The following PIGS variants were observed in gnomAD, a reference collection of about 807,000 sequenced individuals.
The protein encoded by PIGS is GPI-anchor transamidase component PIGS.
Under a neutral mutation model 58.2 loss-of-function variants are expected in PIGS, and 37 were observed. The ratio of observed to expected loss-of-function variants is 0.64; its 90% CI spans 0.49 to 0.84. The LOEUF (loss-of-function observed/expected upper bound fraction) is 0.84, where lower values mean the gene tolerates loss of function less well. PIGS is among the 40% of genes least tolerant of loss of function. The pLI is 0.00. For missense variants in PIGS, 629 were observed against 710.8 expected, an observed-to-expected ratio of 0.88 and a Z score of 1.31; for synonymous variants, 269 against 289.2, an observed-to-expected ratio of 0.93 and a Z score of 0.71.
chr17:28,570,916 C>T lies in PIGS; in HGVS notation c.222G>A (p.Val74=), dbSNP rs752021664. ...GCAGCTTCTCCTGGTCGTCCAGGGG[C>T]ACTGACTCCCGCGTAAACACGACAG... is the stretch of plus-strand genomic sequence containing the variant. ...PVTVVFTRES[V]PLDDQEKLPF... is the part of the protein sequence containing the mutation. The change falls in exon 3 of 12, where the codon GTG becomes GTA. Residue 74 remains valine (V), a synonymous_variant. Coordinates refer to ENST00000308360, the MANE Select transcript of PIGS (RefSeq NM_033198.4). 2.5e-6 allele frequency: 4 copies of T among 1,614,114 alleles called. No individual in the cohort carries two copies. The highest frequency in any genetic ancestry group is 2.7e-5 in the African/African-American group (2 of 74,930).
At position 28,560,142 on chromosome 17, in the gene PIGS, A is replaced by C; in HGVS notation, c.726T>G (p.Asp242Glu). ...CAGCCCCCTCAATGTCCCAGTAGAC[A>C]TCATGGGACTTGGGGTCTGGGTTGA... is the stretch of plus-strand genomic sequence containing the variant. ...SLLNPDPKSH[D>E]VYWDIEGAVR... Residue 242 changes from aspartate to glutamate, a missense_variant, in exon 7 of 12, where the codon GAT becomes GAG. Physicochemically the swap from Asp to Glu is conservative, Grantham distance 45. Coordinates refer to ENST00000308360, the MANE Select transcript of PIGS (RefSeq NM_033198.4). 6.2e-7 allele frequency: 1 copy of C among 1,612,874 alleles called. No homozygotes were observed. The highest frequency in any genetic ancestry group is 8.5e-7 in the Non-Finnish European group (1 of 1,179,280).
chr17:28,570,916 C>A lies in PIGS; in HGVS notation c.222G>T (p.Val74=), dbSNP rs752021664. Residue 74 remains valine, a synonymous_variant, in exon 3 of 12, where the codon GTG becomes GTT. Coordinates refer to ENST00000308360, the MANE Select transcript of PIGS (RefSeq NM_033198.4). ...PVTVVFTRES[V]PLDDQEKLPF... ...GCAGCTTCTCCTGGTCGTCCAGGGGCACTGACTCCCGCGTAAACACGACAG... is the reference window on the plus strand; with the variant it reads ...GCAGCTTCTCCTGGTCGTCCAGGGGAACTGACTCCCGCGTAAACACGACAG... 6.2e-7 allele frequency: 1 copy of A among 1,614,232 alleles called. No individual in the cohort carries two copies. Among genetic ancestry groups the A allele is most frequent in the Non-Finnish European group, 8.5e-7 (1 of 1,180,042 alleles).
chr17:28,565,655 G>A (rs1040035282), intron 3 of PIGS, among the ~76,000 whole-genome samples: 10 of 152,134 alleles, frequency 6.6e-5, no homozygotes, highest in African/African-American at 9.7e-5. Flanking sequence ...TTTAGGGTCC[G>A]AGGTGGGAAG....
In PIGS at chr17:28,571,069, T is replaced by C. The variant is rs1225187980; in HGVS notation, c.154A>G (p.Ser52Gly). 2 of 1,614,140 alleles carry C rather than the reference T, an allele frequency of 1.2e-6. No individual in the cohort carries two copies. The highest frequency in any genetic ancestry group is 2.2e-5 in the South Asian group (2 of 91,082). ...YRASLPYSQI[S>G]GLNALQLRLM... ...CTCACCTGAAGGGCATTCAGGCCAC[T>C]GATCTGGGAGTAAGGCAACGAGGCC... is the stretch of plus-strand genomic sequence containing the variant. Residue 52 changes from serine to glycine, a missense_variant, in exon 2 of 12, where the codon AGT becomes GGT. Transcript: ENST00000308360.
Position 28,571,446 on chromosome 17 carries a change from C to T in PIGS, c.34+17G>A, listed in dbSNP as rs1468436195. 1.1e-5 allele frequency: 18 copies of T among 1,609,774 alleles called. No homozygotes were observed. The Admixed American group carries it at 1.2e-4, about 10-fold the overall frequency. ...CCATCAGCTAGCTGCAGGCCCCCCA[C>T]CCGAAGCCCACCGCACCTAGGTGTG... On this transcript the variant is annotated intron_variant, in intron 1 of 11. Transcript: ENST00000308360.
chr17:28,563,554 C>T, intron 4 of PIGS, 32 bp from the exon 5 acceptor site: 1 of 1,583,192 alleles, frequency 6.3e-7, no homozygotes, highest in Non-Finnish European at 8.7e-7. Context: ...ACACCAAGAG[C>T]AAAACACCAT....
intron 7 of PIGS, among the ~76,000 whole-genome samples, chr17:28,558,863 A>G (rs919536862): frequency 6.6e-6 from 1 of 152,240 alleles, no homozygotes; most frequent in African/African-American, 2.4e-5. Flanking sequence ...TTCAGTGTCT[A>G]CAAGATCAAA....
At position 28,556,826 on chromosome 17, in the gene PIGS, C is replaced by T. The variant is rs2070332267; in HGVS notation, c.1080+1G>A. 1.9e-6 allele frequency: 3 copies of T among 1,613,342 alleles called. No individual in the cohort carries two copies. The highest frequency in any genetic ancestry group is 1.3e-5 in the African/African-American group (1 of 74,902). ...TGGGGTCTGCGTAGTGTGACTATTA[C>T]CATAATGCCACCCCAGCGGGGACTA... is the stretch of plus-strand genomic sequence containing the variant. On this transcript the variant is annotated splice_donor_variant, in intron 9 of 11. Coordinates refer to ENST00000308360, the MANE Select transcript of PIGS (RefSeq NM_033198.4). LOFTEE classifies it high-confidence loss of function.
rs116255219 is a variant in PIGS at position 28,554,398 on chromosome 17, G to C, written c.1490C>G (p.Ser497Cys). Residue 497 changes from serine to cysteine, a missense_variant, in exon 12 of 12, where the codon TCC (serine) becomes TGC (cysteine). Ser to Cys is a moderately radical substitution (Grantham distance 112). Transcript: ENST00000308360. The part of the protein sequence containing the change: ...AFVASQEAVT[S>C]SELAFFDPSL... ...CGGGTCAAAGAAGGCAAGCTCAGAG[G>C]ATGTCACAGCTTCCTGGCTGGCGAC... The C allele has an allele frequency of 1.2e-6, 2 of 1,614,204 alleles. No homozygotes were observed. The highest frequency in any genetic ancestry group is 1.7e-6 in the Non-Finnish European group (2 of 1,180,034).
In PIGS at chr17:28,553,676, A is replaced by ACACACACACG. The variant is rs60290804; in HGVS notation, c.*543_*544insCGTGTGTGTG. 1.8e-5 allele frequency: 3 copies of ACACACACACG among 165,268 alleles called. No homozygotes were observed. The highest frequency in any genetic ancestry group is 7.4e-5 in the African/African-American group (3 of 40,462). The allele number at this position is 165,268 out of a possible 1,614,324, so 10.2% of individuals were successfully genotyped here. ...CACACACACACACACACACACACACAGCACCATGTCCTGAGCTGCTGCCTC... is the reference window on the plus strand; with the variant it reads ...CACACACACACACACACACACACACACACACACACGGCACCATGTCCTGAGCTGCTGCCTC... On this transcript the variant is annotated 3_prime_UTR_variant, in exon 12 of 12. Coordinates refer to ENST00000308360, the MANE Select transcript of PIGS (RefSeq NM_033198.4).
At chr17:28,569,999 T>C (rs2070417556) in intron 3 of PIGS, among the ~76,000 whole-genome samples, 1 of 152,208 alleles carries the variant, frequency 6.6e-6, no homozygotes, top group African/African-American at 2.4e-5. Flanking sequence ...AAAATCCGAC[T>C]TAAGAATTAC....
intron 5 of PIGS, among the ~76,000 whole-genome samples, chr17:28,562,524 C>A (rs2070369953): frequency 6.6e-6 from 1 of 152,220 alleles, no homozygotes; most frequent in Admixed American, 6.5e-5. Flanking sequence ...ACCTCCACCT[C>A]CTGGGTTCAA....
At chr17:28,561,162 G>A (rs1200223170) in intron 6 of PIGS, among the ~76,000 whole-genome samples, 1 of 152,080 alleles carries the variant, frequency 6.6e-6, no homozygotes, top group Non-Finnish European at 1.5e-5. Context: ...GGAGGCTGAG[G>A]CAGGAGAATG....
Position 28,563,529 on chromosome 17 carries a change from GC to G in PIGS, c.377-8del. On this transcript the variant is annotated splice_region_variant and splice_polypyrimidine_tract_variant and intron_variant, in intron 4 of 11. Transcript: ENST00000308360. ...TCTAACATGGCTTCTGCCTCTGGGG[GC>G]AAGAACAGGTGGTACACCAAGAGCA... 6.2e-7 allele frequency: 1 copy of G among 1,612,866 alleles called. No homozygotes were observed. The highest frequency in any genetic ancestry group is 8.5e-7 in the Non-Finnish European group (1 of 1,179,214).
chr17:28,560,234 C>T (rs1597584596), intron 6 of PIGS, 43 bp from the exon 7 acceptor site: 1 of 1,588,778 alleles, frequency 6.3e-7, no homozygotes, highest in African/African-American at 1.4e-5. Context: ...TCTTGTGGAT[C>T]AAAGAAGAGG....
Position 28,554,213 on chromosome 17 carries a change from G to T in PIGS, c.*7C>A, listed in dbSNP as rs758576257. The stretch of plus-strand genomic sequence containing the variant: ...AAGGAAGGCTTCCTATGGAGGTGCT[G>T]CCCTGCTCAGTCTGTCTTCTCAGGC... On this transcript the variant is annotated 3_prime_UTR_variant, in exon 12 of 12. Coordinates refer to ENST00000308360, the MANE Select transcript of PIGS (RefSeq NM_033198.4). The T allele has an allele frequency of 6.2e-7, 1 of 1,613,686 alleles. No homozygotes were observed. The highest frequency in any genetic ancestry group is 2.2e-5 in the East Asian group (1 of 44,880).
chr17:28,564,341 G>A (rs1357540907), intron 3 of PIGS, among the ~76,000 whole-genome samples: 2 of 152,210 alleles, frequency 1.3e-5, no homozygotes, highest in Admixed American at 1.3e-4. Context: ...GCCAAGGCAG[G>A]CGGATCCCTT....
Position 28,558,505 on chromosome 17 carries a change from TG to T in PIGS, c.904del (p.His302MetfsTer75). 6.2e-7 allele frequency: 1 copy of T among 1,612,848 alleles called. No homozygotes were observed. ...SYYLDMHSLP[H>X]VINPVESRLG... ...CCGGGACTCCACTGGGTTGATGACA[TG>T]GGGGAGGCTGTGCATGTCCAAATAG... is the stretch of plus-strand genomic sequence containing the variant. On this transcript the variant is annotated frameshift_variant, in exon 8 of 12. Transcript: ENST00000308360. LOFTEE classifies it high-confidence loss of function.
intron 6 of PIGS, 50 bp from the exon 7 acceptor site, chr17:28,560,241 G>A (rs376941769): frequency 6.3e-7 from 1 of 1,578,032 alleles, no homozygotes. Context: ...GATCAAAGAA[G>A]AGGGGCAGCC....
Sources: allele counts gnomAD v4.1 joint callset (sites outside exome capture counted in the v4.1 genomes callset), GRCh38; gene constraint gnomAD v4.1.1; transcripts MANE v1.5; gene names NCBI Gene and HGNC (gene_info 2026-07-23, HGNC 2026-07-21).